Variants in LRRC18 observed in about 807,000 individuals in gnomAD.
LRRC18 encodes leucine rich repeat containing 18, also known as leucine-rich repeat-containing protein 18.
LRRC18 carries 12 observed loss-of-function variants against 11.2 expected under a neutral mutation model. The observed-to-expected ratio is 1.07, with a 90% CI of 0.69 to 1.74. The LOEUF (loss-of-function observed/expected upper bound fraction) is 1.74. LRRC18 is among the 40% of genes most tolerant of loss of function. The probability of loss-of-function intolerance (pLI) is 0.00; values close to 1 mark genes in which losing one functional copy is unlikely to be tolerated. For missense variants in LRRC18, 374 were observed against 330.5 expected, an observed-to-expected ratio of 1.13 and a Z score of -1.02; for synonymous variants, 155 against 130.6, an observed-to-expected ratio of 1.19 and a Z score of -1.27.
At chr10:48,924,223 C>A in the LRRC18 span, among the ~76,000 whole-genome samples, 3 of 152,318 alleles carry the variant, frequency 2.0e-5, no homozygotes, top group African/African-American at 7.2e-5. Context: ...CCTGGGGTCA[C>A]CCGACCTTGG....
At chr10:48,938,179 A>C in the LRRC18 span, among the ~76,000 whole-genome samples, 1 of 152,236 alleles carries the variant, frequency 6.6e-6, no homozygotes, top group Non-Finnish European at 1.5e-5. Context: ...ATGTCCTCAA[A>C]ACTGTTTTTG....
chr10:48,935,764 T>A, the LRRC18 span, among the ~76,000 whole-genome samples: 7 of 152,358 alleles, frequency 4.6e-5, no homozygotes, highest in Non-Finnish European at 1.0e-4. Flanking sequence ...TGTATGTCAT[T>A]AAATGCTGAT....
chr10:48,916,908 T>C (rs553432861), upstream of LRRC18, among the ~76,000 whole-genome samples: 40 of 142,344 alleles, frequency 2.8e-4, 1 homozygote, highest in East Asian at 7.2e-3. Context: ...TGTGTGTGTG[T>C]GTACAACCAT....
At chr10:48,931,103 AC>A in the LRRC18 span, among the ~76,000 whole-genome samples, 1 of 3,540 alleles carries the variant, frequency 2.8e-4, no homozygotes, top group African/African-American at 3.4e-4. Flanking sequence ...TCAAACACAC[AC>A]ACACACACAC....
the LRRC18 span, among the ~76,000 whole-genome samples, chr10:48,938,605 G>A: frequency 6.6e-6 from 1 of 152,234 alleles, no homozygotes. Context: ...CAAGGGAGAA[G>A]AGTCAAAGCA....
the LRRC18 span, among the ~76,000 whole-genome samples, chr10:48,937,137 G>A: frequency 2.6e-4 from 40 of 151,976 alleles, no homozygotes; most frequent in African/African-American, 3.6e-4. Flanking sequence ...CAGGTGATCC[G>A]CCCACCTCGG....
upstream of LRRC18, among the ~76,000 whole-genome samples, chr10:48,918,747 C>G (rs989139847): frequency 7.6e-6 from 1 of 132,438 alleles, no homozygotes; most frequent in Non-Finnish European, 1.7e-5. Context: ...TTGTTGTCAG[C>G]AGGGGGTAGG....
chr10:48,914,717 C>T (rs1302044368), upstream of LRRC18, among the ~76,000 whole-genome samples: 2 of 152,170 alleles, frequency 1.3e-5, no homozygotes, highest in East Asian at 3.8e-4. Flanking sequence ...TTCTCACATC[C>T]CTCTTCCCCT....
chr10:48,931,285 C>T, the LRRC18 span, among the ~76,000 whole-genome samples: 2 of 152,184 alleles, frequency 1.3e-5, no homozygotes, highest in Admixed American at 6.5e-5. Flanking sequence ...AGTCTGGTTG[C>T]CTGAGGCAGC....
In LRRC18 at chr10:48,913,489, T is replaced by A; in HGVS notation, c.667A>T (p.Arg223Ter). 6.2e-7 allele frequency: 1 copy of A among 1,613,898 alleles called. No homozygotes were observed. The highest frequency in any genetic ancestry group is 8.5e-7 in the Non-Finnish European group (1 of 1,179,962). The change falls in exon 1 of 2, where the codon AGA (arginine) becomes TGA (stop). Residue 223 changes from arginine to a stop codon, truncating the protein, a stop_gained. Transcript: ENST00000374160. LOFTEE classifies it high-confidence loss of function. ...GTCGTCGTGGCCATGTTCTTGATTC[T>A]ATTCAGGTTGTCCCGGGCGTTTTGG...
upstream of LRRC18, chr10:48,914,282 G>A (rs892068941): frequency 2.0e-6 from 2 of 1,006,448 alleles, no homozygotes. Flanking sequence ...GAGGGCACTG[G>A]GCTCCCCCAC....
chr10:48,923,036 C>T, the LRRC18 span, among the ~76,000 whole-genome samples: 3 of 152,182 alleles, frequency 2.0e-5, no homozygotes, highest in Non-Finnish European at 4.4e-5. Flanking sequence ...ACTGCAGAAA[C>T]ATTTTTAAAA....
chr10:48,929,559 T>C, the LRRC18 span, among the ~76,000 whole-genome samples: 1 of 152,186 alleles, frequency 6.6e-6, no homozygotes, highest in Non-Finnish European at 1.5e-5. Context: ...CCTATACTTA[T>C]TGTGCTGGTC....
chr10:48,932,311 C>T, the LRRC18 span, among the ~76,000 whole-genome samples: 1 of 152,214 alleles, frequency 6.6e-6, no homozygotes, highest in Non-Finnish European at 1.5e-5. Context: ...GGCCACTCCC[C>T]ACTGGTCAGG....
At chr10:48,927,232 C>A in the LRRC18 span, among the ~76,000 whole-genome samples, 1 of 152,118 alleles carries the variant, frequency 6.6e-6, no homozygotes, top group East Asian at 1.9e-4. Context: ...CCGAACCCTC[C>A]CCCCTGCTTC....
At chr10:48,927,848 T>C in the LRRC18 span, among the ~76,000 whole-genome samples, 1 of 152,230 alleles carries the variant, frequency 6.6e-6, no homozygotes, top group Non-Finnish European at 1.5e-5. Flanking sequence ...TCTGTTTTAA[T>C]TGGATTTGTT....
At chr10:48,915,894 G>A (rs1589877090), upstream of LRRC18, among the ~76,000 whole-genome samples, 1 of 152,122 alleles carries the variant, frequency 6.6e-6, no homozygotes, top group African/African-American at 2.4e-5. Context: ...GGGCATAATT[G>A]GCTGGTTTCC....
chr10:48,921,350 T>A, the LRRC18 span, among the ~76,000 whole-genome samples: 1 of 152,072 alleles, frequency 6.6e-6, no homozygotes, highest in African/African-American at 2.4e-5. Flanking sequence ...TGAAAAAAGG[T>A]CAAAGGATGT....
At chr10:48,921,667 A>G in the LRRC18 span, among the ~76,000 whole-genome samples, 58 of 152,328 alleles carry the variant, frequency 3.8e-4, no homozygotes, top group Admixed American at 1.3e-3. Flanking sequence ...AGTGCAAATC[A>G]TATATATCAT....
Sources: gnomAD v4.1 joint callset for allele counts (sites outside exome capture counted in the v4.1 genomes callset) on GRCh38, gnomAD v4.1.1 for gene constraint, MANE v1.5 for transcripts, NCBI Gene and HGNC (gene_info 2026-07-23, HGNC 2026-07-21) for gene names.